The following RASA3 variants were observed in gnomAD, a reference collection of about 807,000 sequenced individuals.
RASA3 encodes the protein RAS p21 protein activator 3.
RASA3 carries 73 observed loss-of-function variants against 110.0 expected under a neutral mutation model. The observed-to-expected ratio is 0.66, with a 90% CI of 0.55 to 0.81. RASA3 has a LOEUF of 0.81. RASA3 is among the 30% of genes least tolerant of loss of function. The probability of loss-of-function intolerance (pLI) is 0.00; values close to 1 mark genes in which losing one functional copy is unlikely to be tolerated. For missense variants in RASA3, 976 were observed against 1,113.2 expected, an observed-to-expected ratio of 0.88 and a Z score of 1.75; for synonymous variants, 500 against 451.4, an observed-to-expected ratio of 1.11 and a Z score of -1.37.
At position 114,018,932 on chromosome 13, in the gene RASA3, G is replaced by C. The variant is rs200329999; in HGVS notation, c.786-13C>G. Reference sequence around the variant, plus strand: ...CTGGAGGAAGTACCTGGGTGGGAGGGACACATGGAGGGGAGGCATGAGGCT... The same window carrying C: ...CTGGAGGAAGTACCTGGGTGGGAGGCACACATGGAGGGGAGGCATGAGGCT... On this transcript the variant is annotated splice_polypyrimidine_tract_variant and intron_variant, in intron 9 of 23. Coordinates refer to ENST00000334062, the MANE Select transcript of RASA3 (RefSeq NM_007368.4). 1 of 1,613,050 alleles carries C rather than the reference G, an allele frequency of 6.2e-7. No homozygotes were observed. The highest frequency in any genetic ancestry group is 1.3e-5 in the African/African-American group (1 of 74,910).
chr13:114,017,855 G>C (rs1298565715), intron 11 of RASA3, among the ~76,000 whole-genome samples: 2 of 151,840 alleles, frequency 1.3e-5, no homozygotes, highest in East Asian at 3.9e-4. Context: ...AGCTGTCCTC[G>C]AGCCCCAGGA....
intron 11 of RASA3, 23 bp from the exon 12 acceptor site, chr13:114,017,374 G>T: frequency 6.3e-7 from 1 of 1,584,414 alleles, no homozygotes; most frequent in Non-Finnish European, 8.7e-7. Context: ...GATGGGGACA[G>T]CGTTTGTCTC....
intron 2 of RASA3, among the ~76,000 whole-genome samples, chr13:114,054,960 G>T (rs2079214060): frequency 7.2e-6 from 1 of 138,280 alleles, no homozygotes; most frequent in African/African-American, 2.7e-5. Flanking sequence ...GTGTGTGGGT[G>T]TGTGCACGTG....
chr13:114,011,004 C>G lies in RASA3; in HGVS notation c.1590+167G>C, dbSNP rs1018005448. ...TTTAGGAGGGGAGAGGTGAGCGGGACGGGGACGCTCAGGTCCTGGGTTTCA... is the reference window on the plus strand; with the variant it reads ...TTTAGGAGGGGAGAGGTGAGCGGGAGGGGGACGCTCAGGTCCTGGGTTTCA... On this transcript the variant is annotated intron_variant, in intron 16 of 23. Transcript: ENST00000334062. This position sits in a 1 kb window ranked among gnomAD's most constrained non-coding sequence, Gnocchi z 4.8. Among the ~76,000 whole-genome samples the G allele has an allele frequency of 2.0e-5, 3 of 152,088 alleles. No homozygotes were observed. Among genetic ancestry groups the G allele is most frequent in the African/African-American group, 4.8e-5 (2 of 41,406 alleles).
At chr13:114,091,181 C>T (rs1281840770) in intron 1 of RASA3, among the ~76,000 whole-genome samples, 1 of 151,882 alleles carries the variant, frequency 6.6e-6, no homozygotes, top group African/African-American at 2.4e-5. Context: ...GCTGCTGGCT[C>T]CCTGCTGTGA....
At position 113,995,183 on chromosome 13, in the gene RASA3, T is replaced by C. The variant is rs534141313; in HGVS notation, c.2141+1348A>G. Reference sequence around the variant, plus strand: ...GGAAGCCTCCTGGGACTGTGTTCCCTGCACGGTCGGCTGCGGGTGGGGACA... The same window carrying C: ...GGAAGCCTCCTGGGACTGTGTTCCCCGCACGGTCGGCTGCGGGTGGGGACA... On this transcript the variant is annotated intron_variant, in intron 21 of 23. Coordinates refer to ENST00000334062, the MANE Select transcript of RASA3 (RefSeq NM_007368.4). Among the ~76,000 whole-genome samples, 8 of 152,362 alleles carry C rather than the reference T, an allele frequency of 5.3e-5. 1 individual carries two copies. The highest frequency in any genetic ancestry group is 1.9e-4 in the African/African-American group (8 of 41,600).
intron 9 of RASA3, among the ~76,000 whole-genome samples, chr13:114,020,199 G>A (rs193215042): frequency 1.6e-5 from 1 of 63,204 alleles, no homozygotes; most frequent in Non-Finnish European, 3.1e-5. Flanking sequence ...CCAGGTGGGT[G>A]GAGCCTGTGT....
intron 1 of RASA3, among the ~76,000 whole-genome samples, chr13:114,118,847 C>A (rs1179508506): frequency 6.6e-6 from 1 of 152,196 alleles, no homozygotes; most frequent in African/African-American, 2.4e-5. Flanking sequence ...TCATAAAACC[C>A]GCTGGTTCCA....
At chr13:114,092,705 A>G (rs1028064212) in intron 1 of RASA3, among the ~76,000 whole-genome samples, 4 of 152,146 alleles carry the variant, frequency 2.6e-5, no homozygotes, top group East Asian at 1.9e-4. Context: ...TTTAACTCCA[A>G]TGCTTCTTGT....
intron 1 of RASA3, among the ~76,000 whole-genome samples, chr13:114,100,709 G>T (rs560443923): frequency 6.6e-6 from 1 of 152,136 alleles, no homozygotes; most frequent in Non-Finnish European, 1.5e-5. Context: ...AGGCTGGTTC[G>T]GTCTCTCTGC....
chr13:114,029,924 C>T lies in RASA3; in HGVS notation c.373-37G>A, dbSNP rs190680888. ...AAGGATGGGGTGTCAGAGGCTGTGG[C>T]GCTGCTCCCACAGGCCACTAGGGCC... is the stretch of plus-strand genomic sequence containing the variant. On this transcript the variant is annotated intron_variant, in intron 4 of 23. Coordinates refer to ENST00000334062, the MANE Select transcript of RASA3 (RefSeq NM_007368.4). 1.9e-3 allele frequency: 2,906 copies of T among 1,529,348 alleles called. 40 individuals are homozygous for T. The African/African-American group carries it at 0.036, about 19-fold the overall frequency. The allele number at this position is 1,529,348 out of a possible 1,614,324, so 94.7% of individuals were successfully genotyped here.
chr13:114,039,264 A>G lies in RASA3; in HGVS notation c.372+1736T>C, dbSNP rs185404690. On this transcript the variant is annotated intron_variant, in intron 4 of 23. Transcript: ENST00000334062. ...TACGTCCCAGGGCCGCTGTGCAGCA[A>G]CACTACACTCAGACACTCACTGCGG... Among the ~76,000 whole-genome samples, 40 of 151,706 alleles carry G rather than the reference A, an allele frequency of 2.6e-4. No individual in the cohort carries two copies. In the East Asian group the frequency reaches 4.9e-3, roughly 19 times the overall value.
At chr13:114,087,135 C>G (rs1317832493) in intron 1 of RASA3, among the ~76,000 whole-genome samples, 35 of 81,898 alleles carry the variant, frequency 4.3e-4, no homozygotes, top group African/African-American at 1.6e-3. Context: ...AGTGCTGAGT[C>G]TGGAGTATCG....
At chr13:114,130,031 G>A (rs1042790384) in intron 1 of RASA3, among the ~76,000 whole-genome samples, 18 of 152,340 alleles carry the variant, frequency 1.2e-4, no homozygotes, top group Non-Finnish European at 1.8e-4. Context: ...CCTGGCACCA[G>A]CGCCGCTCAG....
chr13:114,027,771 A>G, intron 6 of RASA3, 76 bp downstream of exon 6: 2 of 1,419,746 alleles, frequency 1.4e-6, no homozygotes, highest in African/African-American at 1.4e-5. Context: ...CAAATGAGGC[A>G]GTGGTCTCGT....
Position 113,981,788 on chromosome 13 carries a change from G to A in RASA3, c.2316C>T (p.Asp772=). 1 of 1,614,076 alleles carries A rather than the reference G, an allele frequency of 6.2e-7. No homozygotes were observed. Among genetic ancestry groups the A allele is most frequent in the Non-Finnish European group, 8.5e-7 (1 of 1,179,982 alleles). The change falls in exon 23 of 24, where the codon GAC becomes GAT. Residue 772 remains aspartate (D), a synonymous_variant. Transcript: ENST00000334062. ...TTAGCGTCTTGTAGGTCTCCTGGGGGTCGTCAATGACGAACGTCGAATACT... is the reference window on the plus strand; with the variant it reads ...TTAGCGTCTTGTAGGTCTCCTGGGGATCGTCAATGACGAACGTCGAATACT... The part of the protein sequence containing the change: ...QEEYSTFVID[D]PQETYKTLKQ...
chr13:114,102,046 G>A (rs1043457273), intron 1 of RASA3, among the ~76,000 whole-genome samples: 9 of 152,150 alleles, frequency 5.9e-5, no homozygotes, highest in African/African-American at 1.2e-4. Context: ...GGACCTGCCC[G>A]ACACACAGTC....
intron 2 of RASA3, among the ~76,000 whole-genome samples, chr13:114,061,695 A>C (rs1594406138): frequency 6.6e-6 from 1 of 151,986 alleles, no homozygotes; most frequent in East Asian, 1.9e-4. Flanking sequence ...AAAAAAAAGA[A>C]AAAGAAAGAA....
At chr13:114,001,975 G>A (rs769404793) in intron 18 of RASA3, among the ~76,000 whole-genome samples, 3 of 152,264 alleles carry the variant, frequency 2.0e-5, no homozygotes, top group Admixed American at 6.5e-5. Context: ...AGGCCTCAGC[G>A]AGGAGGACCT....
Sources: gnomAD v4.1 joint callset for allele counts (sites outside exome capture counted in the v4.1 genomes callset) on GRCh38, gnomAD v4.1.1 for gene constraint, Gnocchi (gnomAD v3.1) non-coding constraint, MANE v1.5 for transcripts, NCBI Gene and HGNC (gene_info 2026-07-23, HGNC 2026-07-21) for gene names.